Variants in DOCK5 observed in about 807,000 individuals in gnomAD.
The protein encoded by DOCK5 is dedicator of cytokinesis 5.
Under a neutral mutation model 251.8 loss-of-function variants are expected in DOCK5, and 142 were observed. The ratio of observed to expected loss-of-function variants is 0.56; its 90% CI spans 0.49 to 0.65. The LOEUF is 0.65. DOCK5 is among the 30% of genes least tolerant of loss of function. DOCK5 has a pLI of 0.00. For missense variants in DOCK5, 2,111 were observed against 2,312.3 expected (o/e 0.91, Z 1.79); for synonymous variants, 842 against 835.5 (o/e 1.01, Z -0.13).
At chr8:25,187,007 A>T (rs977002870) in intron 1 of DOCK5, among the ~76,000 whole-genome samples, 2 of 151,910 alleles carry the variant, frequency 1.3e-5, no homozygotes, top group East Asian at 3.9e-4. Context: ...CAAAACTAGC[A>T]TAGCAACATG....
At chr8:25,379,229 A>C (rs960601417) in intron 38 of DOCK5, among the ~76,000 whole-genome samples, 1 of 152,220 alleles carries the variant, frequency 6.6e-6, no homozygotes, top group African/African-American at 2.4e-5. Flanking sequence ...AACCCTAGTA[A>C]ACCTGAGGGT....
chr8:25,187,374 G>A (rs1254449069), intron 1 of DOCK5, among the ~76,000 whole-genome samples: 2 of 148,276 alleles, frequency 1.3e-5, no homozygotes, highest in Non-Finnish European at 3.0e-5. Flanking sequence ...TTGTGTGTGT[G>A]TGTGTGTGTG....
intron 1 of DOCK5, among the ~76,000 whole-genome samples, chr8:25,207,448 A>G (rs958948737): frequency 3.5e-4 from 54 of 152,338 alleles, no homozygotes; most frequent in African/African-American, 1.2e-3. Flanking sequence ...ATCAAAGGAT[A>G]GGCTGACCCT....
At chr8:25,251,481 A>G (rs73673874) in intron 2 of DOCK5, among the ~76,000 whole-genome samples, 20 of 152,208 alleles carry the variant, frequency 1.3e-4, no homozygotes, top group African/African-American at 4.6e-4. Context: ...GAAGAAGTCT[A>G]GTTTTTGAAT....
intron 1 of DOCK5, among the ~76,000 whole-genome samples, chr8:25,208,689 CA>C (rs1802059637): frequency 1.3e-5 from 2 of 152,182 alleles, no homozygotes; most frequent in African/African-American, 4.8e-5. Context: ...TTTATAGGCA[CA>C]GGGGAACCGA....
chr8:25,200,423 A>G (rs1260423031), intron 1 of DOCK5, among the ~76,000 whole-genome samples: 3 of 152,352 alleles, frequency 2.0e-5, no homozygotes, highest in South Asian at 4.1e-4. Flanking sequence ...GGAAAACTAT[A>G]TAGCCATTAA....
chr8:25,311,851 G>A (rs1249656696), intron 13 of DOCK5, among the ~76,000 whole-genome samples: 1 of 151,890 alleles, frequency 6.6e-6, no homozygotes, highest in African/African-American at 2.4e-5. Flanking sequence ...GAGCCTGAGA[G>A]GCAGAGGTTT....
chr8:25,304,000 G>A (rs1245863385), intron 10 of DOCK5, among the ~76,000 whole-genome samples: 1 of 152,170 alleles, frequency 6.6e-6, no homozygotes, highest in Non-Finnish European at 1.5e-5. Context: ...ACTCGATCTT[G>A]TAGAGTTTTT....
intron 1 of DOCK5, among the ~76,000 whole-genome samples, chr8:25,240,241 C>T (rs1802907976): frequency 6.6e-6 from 1 of 151,216 alleles, no homozygotes; most frequent in Admixed American, 6.6e-5. Context: ...ATGTAGTTCC[C>T]TCATCAGTAG....
chr8:25,389,151 T>C lies in DOCK5; in HGVS notation c.4192T>C (p.Leu1398=). 1 of 1,613,966 alleles carries C rather than the reference T, an allele frequency of 6.2e-7. No homozygotes were observed. Among genetic ancestry groups the C allele is most frequent in the Non-Finnish European group, 8.5e-7 (1 of 1,179,878 alleles). Residue 1398 remains leucine (L), a synonymous_variant, in exon 41 of 52, where the codon TTG becomes CTG. Coordinates refer to ENST00000276440, the MANE Select transcript of DOCK5 (RefSeq NM_024940.8). ...YERREDFSLR[L]LTQFPNAEKM... Reference sequence around the variant, plus strand: ...GAGGCGAGAGGACTTCAGCCTGAGGTTGTTAACCCAGTTCCCCAATGCGGA... The same window carrying C: ...GAGGCGAGAGGACTTCAGCCTGAGGCTGTTAACCCAGTTCCCCAATGCGGA...
At position 25,363,921 on chromosome 8, in the gene DOCK5, A is replaced by T. The variant is rs1240039743; in HGVS notation, c.3045-705A>T. ...CTGGATGTCATCTCTTCTTCCTTCG[A>T]TTTTCCATACCCCATTCAAACCTTC... On this transcript the variant is annotated intron_variant, in intron 29 of 51. Transcript: ENST00000276440. Among the ~76,000 whole-genome samples, 5 of 152,164 alleles carry T rather than the reference A, an allele frequency of 3.3e-5. No homozygotes were observed. In the South Asian group the frequency reaches 8.3e-4, roughly 25 times the overall value.
chr8:25,281,621 C>T (rs996593191), intron 5 of DOCK5, among the ~76,000 whole-genome samples: 1 of 151,534 alleles, frequency 6.6e-6, no homozygotes, highest in African/African-American at 2.4e-5. Flanking sequence ...TGGTTCACGC[C>T]TGTAATCCCA....
chr8:25,298,202 G>A (rs1178807907), intron 7 of DOCK5, among the ~76,000 whole-genome samples: 1 of 151,764 alleles, frequency 6.6e-6, no homozygotes, highest in African/African-American at 2.4e-5. Flanking sequence ...GGTTTGTAGT[G>A]TTTACTTCTT....
chr8:25,331,712 C>T (rs1397567993), intron 18 of DOCK5, among the ~76,000 whole-genome samples: 1 of 151,042 alleles, frequency 6.6e-6, no homozygotes, highest in Non-Finnish European at 1.5e-5. Context: ...TTCACAAAGC[C>T]TCAGTTTCCT....
chr8:25,342,601 C>A, intron 25 of DOCK5, 94 bp downstream of exon 25: 2 of 849,156 alleles, frequency 2.4e-6, no homozygotes, highest in Non-Finnish European at 1.7e-6. Context: ...GACTCCATCT[C>A]AAAAAGCTAA....
intron 2 of DOCK5, among the ~76,000 whole-genome samples, chr8:25,251,468 A>G (rs940854361): frequency 2.6e-5 from 4 of 152,210 alleles, no homozygotes; most frequent in Non-Finnish European, 5.9e-5. Context: ...TTTCTTCTAT[A>G]TAGAAGAAGT....
intron 18 of DOCK5, among the ~76,000 whole-genome samples, chr8:25,331,906 C>T (rs796794026): frequency 5.3e-5 from 8 of 151,406 alleles, no homozygotes; most frequent in African/African-American, 1.7e-4. Flanking sequence ...TGATAAGGGA[C>T]AATTTAAATA....
At chr8:25,316,968 T>C (rs1354113319) in intron 13 of DOCK5, 39 bp from the exon 14 acceptor site, 1 of 1,608,922 alleles carries the variant, frequency 6.2e-7, no homozygotes, top group Non-Finnish European at 8.5e-7. Context: ...TAGAATGACT[T>C]CTCTCAGCAA....
chr8:25,409,048 A>G, intron 50 of DOCK5, 108 bp downstream of exon 50: 1 of 1,495,248 alleles, frequency 6.7e-7, no homozygotes, highest in Non-Finnish European at 9.2e-7. Flanking sequence ...AGACCATTGT[A>G]AAACTGGTTC....
Sources: gnomAD v4.1 joint callset for allele counts (sites outside exome capture counted in the v4.1 genomes callset) on GRCh38, gnomAD v4.1.1 for gene constraint, MANE v1.5 for transcripts, NCBI Gene and HGNC (gene_info 2026-07-23, HGNC 2026-07-21) for gene names.